The following RGS6 variants were observed in gnomAD, a reference collection of about 807,000 sequenced individuals.
RGS6 encodes the protein regulator of G protein signaling 6.
RGS6 carries 30 observed loss-of-function variants against 78.5 expected under a neutral mutation model. The observed-to-expected ratio is 0.38, with a 90% CI of 0.29 to 0.52. The LOEUF (loss-of-function observed/expected upper bound fraction) is 0.52. Ranked by LOEUF, RGS6 falls within the 20% of genes least tolerant of loss-of-function variation. The pLI is 0.85. For synonymous variants in RGS6, 206 were observed against 206.0 expected (o/e 1.00, Z 0.00); for missense variants, 495 against 609.7 (o/e 0.81, Z 1.98).
intron 3 of RGS6, among the ~76,000 whole-genome samples, chr14:72,358,318 G>A (rs143972799): frequency 6.6e-6 from 1 of 152,304 alleles, no homozygotes; most frequent in African/African-American, 2.4e-5. Context: ...TAAGAAGAGG[G>A]CCACTGTCCT....
intron 3 of RGS6, among the ~76,000 whole-genome samples, chr14:72,374,091 A>C (rs1020878184): frequency 1.3e-5 from 2 of 152,142 alleles, no homozygotes; most frequent in Non-Finnish European, 1.5e-5. Flanking sequence ...ATCTACATTT[A>C]TTTCTTTTTT....
the RGS6 span, among the ~76,000 whole-genome samples, chr14:71,899,265 C>T: frequency 2.8e-4 from 43 of 152,300 alleles, no homozygotes; most frequent in South Asian, 2.3e-3. Context: ...TTGTATTTGC[C>T]GCTTGCTGTG....
At chr14:72,623,240 T>A in the RGS6 span, among the ~76,000 whole-genome samples, 1,845 of 152,306 alleles carry the variant, frequency 0.012, 40 homozygotes, top group African/African-American at 0.042. Context: ...AATATAATGT[T>A]TCTTTATAAA....
chr14:72,026,054 C>T (rs11849254), intron 2 of RGS6, among the ~76,000 whole-genome samples: 19,816 of 152,068 alleles, frequency 0.13, 1,341 homozygotes, highest in East Asian at 0.17. Context: ...AAAAAGTTCC[C>T]TCAAACTTAG....
chr14:72,171,479 A>G (rs1199912193), intron 2 of RGS6, among the ~76,000 whole-genome samples: 9 of 152,226 alleles, frequency 5.9e-5, no homozygotes. Context: ...GGTGCCCTCA[A>G]GGCGTTGAAA....
chr14:72,510,420 G>C, intron 14 of RGS6, 141 bp downstream of exon 14: 1 of 1,048,026 alleles, frequency 9.5e-7, no homozygotes, highest in Non-Finnish European at 1.4e-6. Flanking sequence ...AGGTTGAAAT[G>C]GAGAAGAACA....
At chr14:71,949,922 A>G (rs1172511994) in intron 1 of RGS6, among the ~76,000 whole-genome samples, 1 of 152,064 alleles carries the variant, frequency 6.6e-6, no homozygotes, top group Non-Finnish European at 1.5e-5. Flanking sequence ...AGCACCACTT[A>G]TTGAAAAATC....
At chr14:72,192,281 G>A (rs2283414) in intron 2 of RGS6, among the ~76,000 whole-genome samples, 12 of 152,114 alleles carry the variant, frequency 7.9e-5, no homozygotes, top group African/African-American at 1.9e-4. Context: ...TCCTGTCTTC[G>A]GGCAAGTAGA....
chr14:72,050,168 A>G (rs1358967637), intron 2 of RGS6, among the ~76,000 whole-genome samples: 1 of 152,222 alleles, frequency 6.6e-6, no homozygotes, highest in Non-Finnish European at 1.5e-5. Context: ...TGCATAATTG[A>G]TGGTATATAA....
At chr14:72,515,482 A>G (rs2096929989) in intron 14 of RGS6, among the ~76,000 whole-genome samples, 1 of 152,198 alleles carries the variant, frequency 6.6e-6, no homozygotes, top group Non-Finnish European at 1.5e-5. Context: ...CCTGGCCAAC[A>G]TGGTGAAACC....
chr14:72,557,133 C>A (rs2097590008), intron 17 of RGS6, among the ~76,000 whole-genome samples: 2 of 152,228 alleles, frequency 1.3e-5, no homozygotes, highest in African/African-American at 4.8e-5. Context: ...GTGGAGGAAC[C>A]ATAACGGGTT....
chr14:72,533,305 C>T (rs1327438277), intron 15 of RGS6, among the ~76,000 whole-genome samples: 1 of 152,134 alleles, frequency 6.6e-6, no homozygotes, highest in Non-Finnish European at 1.5e-5. Context: ...CTGTTGAGAC[C>T]TACTGTTGAG....
chr14:71,978,752 T>C (rs2094288389), intron 2 of RGS6, among the ~76,000 whole-genome samples: 1 of 152,228 alleles, frequency 6.6e-6, no homozygotes, highest in Admixed American at 6.5e-5. Flanking sequence ...TGCCAGGCTT[T>C]GGTATCAGGG....
At chr14:72,247,842 C>T (rs981800309) in intron 2 of RGS6, among the ~76,000 whole-genome samples, 1 of 152,162 alleles carries the variant, frequency 6.6e-6, no homozygotes, top group African/African-American at 2.4e-5. Flanking sequence ...TGTGGGATAA[C>T]ACAACATAAA....
the RGS6 span, among the ~76,000 whole-genome samples, chr14:71,905,998 T>A: frequency 1.3e-5 from 2 of 152,306 alleles, no homozygotes; most frequent in Admixed American, 6.5e-5. Flanking sequence ...AAGCCAACTT[T>A]GAGCTATAAG....
intron 17 of RGS6, chr14:72,550,522 A>G: frequency 6.5e-7 from 1 of 1,535,752 alleles, no homozygotes; most frequent in Non-Finnish European, 8.7e-7. Context: ...ACACTGGGAA[A>G]TGGAGATGGA....
At chr14:72,459,554 G>A (rs915165546) in intron 5 of RGS6, 78 bp from the exon 6 acceptor site, 230 of 1,393,884 alleles carry the variant, frequency 1.7e-4, no homozygotes, top group Middle Eastern at 1.8e-4. Flanking sequence ...CTGCCATCAG[G>A]GAGGCTCCTC....
At chr14:72,025,470 A>G (rs1232499592) in intron 2 of RGS6, among the ~76,000 whole-genome samples, 1 of 152,184 alleles carries the variant, frequency 6.6e-6, no homozygotes, top group Non-Finnish European at 1.5e-5. Context: ...TGGGAATATC[A>G]GGAGTGATTA....
At chr14:72,374,492 A>G (rs1415118008) in intron 3 of RGS6, among the ~76,000 whole-genome samples, 1 of 152,190 alleles carries the variant, frequency 6.6e-6, no homozygotes, top group Non-Finnish European at 1.5e-5. Context: ...AATGTGGCAC[A>G]TATACACCAT....
Sources: allele counts gnomAD v4.1 joint callset (sites outside exome capture counted in the v4.1 genomes callset), GRCh38; gene constraint gnomAD v4.1.1; transcripts MANE v1.5; gene names NCBI Gene and HGNC (gene_info 2026-07-23, HGNC 2026-07-21).